GPHN: variants seen among roughly 807,000 people sequenced by gnomAD.
GPHN encodes gephyrin.
Under a neutral mutation model 95.5 loss-of-function variants are expected in GPHN, and 17 were observed. The ratio of observed to expected loss-of-function variants is 0.18; its 90% CI spans 0.12 to 0.27. The LOEUF (loss-of-function observed/expected upper bound fraction) is 0.27, where lower values mean the gene tolerates loss of function less well. Ranked by LOEUF, GPHN falls within the 10% of genes least tolerant of loss-of-function variation. The pLI, the probability that GPHN is intolerant of heterozygous loss-of-function variation, is 1.00. For missense variants in GPHN, 660 were observed against 978.1 expected, an observed-to-expected ratio of 0.67 and a Z score of 4.34; for synonymous variants, 320 against 322.5, an observed-to-expected ratio of 0.99 and a Z score of 0.08.
chr14:66,978,966 G>A (rs562629151), intron 9 of GPHN, among the ~76,000 whole-genome samples: 5 of 152,278 alleles, frequency 3.3e-5, no homozygotes, highest in African/African-American at 1.2e-4. Context: ...AGAGCTCTTG[G>A]ATGACTAGGT....
intron 3 of GPHN, among the ~76,000 whole-genome samples, chr14:66,796,737 G>A (rs9671368): frequency 0.31 from 47,359 of 151,858 alleles, 11,418 homozygotes; most frequent in African/African-American, 0.65. Context: ...CTTGTCCGAT[G>A]GGTAGCTTGC....
At chr14:66,659,564 G>A (rs113672507) in intron 1 of GPHN, among the ~76,000 whole-genome samples, 1,844 of 151,678 alleles carry the variant, frequency 0.012, 20 homozygotes, top group Non-Finnish European at 0.018. Flanking sequence ...CATTTTTTCA[G>A]GTATATCAGT....
chr14:66,826,098 G>T (rs970002372), intron 4 of GPHN, among the ~76,000 whole-genome samples: 2 of 152,034 alleles, frequency 1.3e-5, no homozygotes, highest in African/African-American at 4.8e-5. Flanking sequence ...TTTCATAACA[G>T]AAAAATAGAA....
chr14:66,685,850 G>A (rs560637457), intron 2 of GPHN, among the ~76,000 whole-genome samples: 72 of 152,254 alleles, frequency 4.7e-4, no homozygotes, highest in African/African-American at 1.7e-3. Flanking sequence ...GTATTGCCTA[G>A]GTTTTCTTCT....
intron 10 of GPHN, among the ~76,000 whole-genome samples, chr14:67,033,197 T>C (rs1701837315): frequency 6.6e-6 from 1 of 151,730 alleles, no homozygotes; most frequent in Admixed American, 6.6e-5. Flanking sequence ...AACAGCAAAA[T>C]TGGAAGACAG....
chr14:66,794,567 A>G (rs904291697), intron 3 of GPHN, among the ~76,000 whole-genome samples: 6 of 152,222 alleles, frequency 3.9e-5, no homozygotes, highest in Admixed American at 2.0e-4. Context: ...ATCAGTTTGC[A>G]TACTTCTATA....
At chr14:67,489,641 T>C in the GPHN span, among the ~76,000 whole-genome samples, 1 of 152,196 alleles carries the variant, frequency 6.6e-6, no homozygotes, top group Non-Finnish European at 1.5e-5. Context: ...CCATCACTGA[T>C]GTTCCCAGGG....
At chr14:67,076,246 A>G (rs932767541) in intron 11 of GPHN, among the ~76,000 whole-genome samples, 3 of 152,204 alleles carry the variant, frequency 2.0e-5, no homozygotes, top group African/African-American at 7.2e-5. Context: ...TTTTTTAGCA[A>G]TAAAGTATTT....
intron 1 of GPHN, among the ~76,000 whole-genome samples, chr14:66,669,752 G>T (rs1425738282): frequency 1.3e-5 from 2 of 151,802 alleles, no homozygotes; most frequent in Non-Finnish European, 2.9e-5. Flanking sequence ...GTGTTTTTCA[G>T]GTATAAAATT....
intron 10 of GPHN, among the ~76,000 whole-genome samples, chr14:67,038,900 C>T (rs886686586): frequency 3.3e-5 from 5 of 152,276 alleles, no homozygotes; most frequent in African/African-American, 1.2e-4. Context: ...ATGGAACCCT[C>T]TGCTGCAGCT....
the GPHN span, among the ~76,000 whole-genome samples, chr14:67,410,798 A>G: frequency 6.6e-6 from 1 of 152,304 alleles, no homozygotes; most frequent in East Asian, 1.9e-4. Context: ...CCCTGGATTT[A>G]TATGTCTCTT....
chr14:66,556,708 T>C (rs1308200317), intron 1 of GPHN, among the ~76,000 whole-genome samples: 1 of 151,954 alleles, frequency 6.6e-6, no homozygotes, highest in Non-Finnish European at 1.5e-5. Flanking sequence ...TAAAAATATG[T>C]TTATATAATT....
the GPHN span, among the ~76,000 whole-genome samples, chr14:67,298,484 C>T: frequency 2.7e-5 from 4 of 149,426 alleles, no homozygotes; most frequent in African/African-American, 1.0e-4. Context: ...CATTGCACTC[C>T]AGCCTGGGCG....
chr14:66,681,640 C>T (rs1459226631), intron 2 of GPHN, among the ~76,000 whole-genome samples: 1 of 152,038 alleles, frequency 6.6e-6, no homozygotes, highest in African/African-American at 2.4e-5. Context: ...TTACATATGG[C>T]ACAAGAATTT....
At chr14:67,586,715 G>C in the GPHN span, 3 of 892,364 alleles carry the variant, frequency 3.4e-6, no homozygotes, top group Non-Finnish European at 4.5e-6. Context: ...CCTAAAGTTA[G>C]AGTTTGCCAA....
At chr14:67,353,081 G>A in the GPHN span, 1 of 1,483,744 alleles carries the variant, frequency 6.7e-7, no homozygotes, top group South Asian at 1.2e-5. Context: ...TATTCTCATT[G>A]TTTAAAAGAC....
chr14:67,562,373 G>A, the GPHN span: 1 of 1,613,632 alleles, frequency 6.2e-7, no homozygotes, highest in Non-Finnish European at 8.5e-7. Flanking sequence ...CCATTCTGGG[G>A]AAACAGTAGA....
At chr14:67,166,891 A>G (rs1166935616) in intron 20 of GPHN, among the ~76,000 whole-genome samples, 12 of 152,058 alleles carry the variant, frequency 7.9e-5, no homozygotes, top group Admixed American at 7.9e-4. Flanking sequence ...GCTGGTCTCA[A>G]CTTCTGAGCT....
chr14:67,157,944 A>G (rs2081705981), intron 18 of GPHN, among the ~76,000 whole-genome samples: 1 of 152,084 alleles, frequency 6.6e-6, no homozygotes, highest in South Asian at 2.1e-4. Flanking sequence ...ATTGATAGGA[A>G]TGTGGCTGGG....
Sources: gnomAD v4.1 joint callset for allele counts (sites outside exome capture counted in the v4.1 genomes callset) on GRCh38, gnomAD v4.1.1 for gene constraint, MANE v1.5 for transcripts, NCBI Gene and HGNC (gene_info 2026-07-23, HGNC 2026-07-21) for gene names.